Variants in ZNF562 observed in about 807,000 individuals in gnomAD.
The protein encoded by ZNF562 is zinc finger protein 562.
ZNF562 carries 13 observed loss-of-function variants against 17.5 expected under a neutral mutation model. The observed-to-expected ratio is 0.74, with a 90% CI of 0.48 to 1.18. The LOEUF is 1.18. ZNF562 is among the 50% of genes most tolerant of loss of function. The pLI, the probability that ZNF562 is intolerant of heterozygous loss-of-function variation, is 0.00. For synonymous variants in ZNF562, 163 were observed against 165.4 expected (o/e 0.99, Z 0.11); for missense variants, 481 against 498.5 (o/e 0.96, Z 0.33).
chr19:9,656,562 G>C lies in ZNF562; in HGVS notation c.333C>G (p.Phe111Leu). The C allele has an allele frequency of 6.2e-7, 1 of 1,613,602 alleles. No homozygotes were observed. Among genetic ancestry groups the C allele is most frequent in the Non-Finnish European group, 8.5e-7 (1 of 1,179,866 alleles). The change falls in exon 5 of 6, where the codon TTC (phenylalanine) becomes TTG (leucine). Residue 111 changes from phenylalanine to leucine, a missense_variant. Physicochemically the swap from Phe to Leu is conservative, Grantham distance 22. Around this residue, in one of 2 missense-constraint regions of ZNF562, gnomAD observed 403 missense variants for 386.4 expected, o/e 1.04. Coordinates refer to ENST00000453372, the MANE Select transcript of ZNF562 (RefSeq NM_001130031.2). ...TGAATCTTACCATTTGTATCCCAGT[G>C]AATATTTGATTCTTCAAAAAACCCT... ...LQQGFLKNQI[F>L]TGIQMQTRSY...
rs950191704 is a variant in ZNF562, at chr19:9,642,090, G to C, written c.*10859C>G. On this transcript the variant is annotated 3_prime_UTR_variant, in exon 6 of 6. Transcript: ENST00000453372. ...TTTACAAGGAGAGGAAAGGTGTACT[G>C]TCACAAGGGCCAATGGCAGGGTACA... The C allele has an allele frequency of 2.0e-5, 3 of 151,754 alleles. No individual in the cohort carries two copies. Among genetic ancestry groups the C allele is most frequent in the African/African-American group, 7.3e-5 (3 of 41,260 alleles). The allele number at this position is 151,754 out of a possible 1,614,324, so 9.4% of individuals were successfully genotyped here.
chr19:9,669,734 G>GCGCACACA (rs1221319747), intron 1 of ZNF562, among the ~76,000 whole-genome samples: 206 of 109,306 alleles, frequency 1.9e-3, no homozygotes, highest in Middle Eastern at 5.0e-3. Context: ...GCGCGCGCGC[G>GCGCACACA]CACACACACA....
intron 1 of ZNF562, among the ~76,000 whole-genome samples, chr19:9,666,688 A>G (rs569469626): frequency 6.6e-6 from 1 of 152,232 alleles, no homozygotes; most frequent in African/African-American, 2.4e-5. Flanking sequence ...TAAAAAATGA[A>G]AAAGAAAACA....
At chr19:9,672,358 A>G (rs2044226983) in intron 1 of ZNF562, among the ~76,000 whole-genome samples, 1 of 152,190 alleles carries the variant, frequency 6.6e-6, no homozygotes. Context: ...TAGGAGGTGC[A>G]TTACAAAGTA....
intron 4 of ZNF562, among the ~76,000 whole-genome samples, 156 bp downstream of exon 4, chr19:9,657,853 T>G (rs956097652): frequency 1.1e-4 from 17 of 151,930 alleles, no homozygotes; most frequent in Non-Finnish European, 2.4e-4. Context: ...GGCCTAGTCT[T>G]TATTCTTAGG....
chr19:9,671,175 T>A (rs2044185780), intron 1 of ZNF562, among the ~76,000 whole-genome samples: 3 of 152,116 alleles, frequency 2.0e-5, no homozygotes. Flanking sequence ...ATATTTAAGG[T>A]GACAGGTATG....
intron 1 of ZNF562, among the ~76,000 whole-genome samples, chr19:9,667,356 C>T (rs12462694): frequency 0.11 from 16,204 of 151,998 alleles, 1,235 homozygotes; most frequent in African/African-American, 0.2. Flanking sequence ...GTGTATAGAA[C>T]GAATATACCT....
At chr19:9,656,726 T>C (rs1275439301) in intron 4 of ZNF562, 73 bp from the exon 5 acceptor site, 3 of 1,514,652 alleles carry the variant, frequency 2.0e-6, no homozygotes, top group Admixed American at 1.7e-5. Context: ...AAACACAGTA[T>C]GAAAATAAAA....
chr19:9,663,188 G>A (rs533663031), intron 1 of ZNF562, among the ~76,000 whole-genome samples: 6 of 150,028 alleles, frequency 4.0e-5, no homozygotes, highest in East Asian at 2.0e-4. Flanking sequence ...GGTGGGTCAC[G>A]AGGTCAGGAG....
At chr19:9,669,731 C>T (rs1273791503) in intron 1 of ZNF562, among the ~76,000 whole-genome samples, 17 of 81,364 alleles carry the variant, frequency 2.1e-4, no homozygotes, top group South Asian at 3.4e-4. Flanking sequence ...CGCGCGCGCG[C>T]GCGCACACAC....
intron 1 of ZNF562, among the ~76,000 whole-genome samples, chr19:9,667,419 A>G (rs1202428989): frequency 6.6e-6 from 1 of 152,218 alleles, no homozygotes; most frequent in Non-Finnish European, 1.5e-5. Context: ...CATACTGAAC[A>G]GGGAAAAATT....
intron 1 of ZNF562, among the ~76,000 whole-genome samples, chr19:9,669,762 A>ACG (rs1568282182): frequency 2.0e-5 from 3 of 150,824 alleles, no homozygotes; most frequent in African/African-American, 7.3e-5. Flanking sequence ...ACACACACAC[A>ACG]CACACACACA....
rs1465242320 is a variant in ZNF562 at position 9,653,107 on chromosome 19, T to C, written c.1123A>G (p.Lys375Glu). The C allele has an allele frequency of 1.2e-6, 2 of 1,611,508 alleles. No homozygotes were observed. ...NHTGEKPYQC[K>E]ECGKAFNRSS... is the part of the protein sequence containing the mutation. ...CTATTGAAGGCTTTCCCACATTCCT[T>C]ACACTGATAGGGTTTCTCTCCAGTG... Residue 375 changes from lysine to glutamate, a missense_variant, in exon 6 of 6, where the codon AAG becomes GAG. Physicochemically the swap from Lys to Glu is moderately conservative, Grantham distance 56. Around this residue, in one of 2 missense-constraint regions of ZNF562, gnomAD observed 78 missense variants for 112.0 expected, o/e 0.70. Coordinates refer to ENST00000453372, the MANE Select transcript of ZNF562 (RefSeq NM_001130031.2).
chr19:9,659,854 G>T (rs1390654268), intron 2 of ZNF562, among the ~76,000 whole-genome samples: 6 of 137,732 alleles, frequency 4.4e-5, no homozygotes, highest in Non-Finnish European at 1.5e-5. Flanking sequence ...CATTTTGGGA[G>T]GCCAAGGTGG....
At position 9,647,881 on chromosome 19, in the gene ZNF562, CAAAG is replaced by C. The variant is rs1287843441; in HGVS notation, c.*5064_*5067del. ...AAAGAAACAAACACCAACTCAAAAA[CAAAG>C]AAACAAACCAAAAAAATGAAAATAT... On this transcript the variant is annotated 3_prime_UTR_variant, in exon 6 of 6. Coordinates refer to ENST00000453372, the MANE Select transcript of ZNF562 (RefSeq NM_001130031.2). The C allele has an allele frequency of 1.3e-5, 2 of 152,068 alleles. No individual in the cohort carries two copies. Among genetic ancestry groups the C allele is most frequent in the African/African-American group, 4.8e-5 (2 of 41,396 alleles). 9.4% of individuals were successfully genotyped at this position (152,068 alleles called of 1,614,324 possible).
In ZNF562 at chr19:9,648,088, T is replaced by C. The variant is rs2144943800; in HGVS notation, c.*4861A>G. On this transcript the variant is annotated 3_prime_UTR_variant, in exon 6 of 6. Coordinates refer to ENST00000453372, the MANE Select transcript of ZNF562 (RefSeq NM_001130031.2). Reference sequence around the variant, plus strand: ...TAAGAATTTAGAAATAGTAGGAACATGCCCCACTACAGTATATGACAGTCA... The same window carrying C: ...TAAGAATTTAGAAATAGTAGGAACACGCCCCACTACAGTATATGACAGTCA... 6.6e-6 allele frequency: 1 copy of C among 152,258 alleles called. No individual in the cohort carries two copies. The highest frequency in any genetic ancestry group is 1.9e-4 in the East Asian group (1 of 5,174). 9.4% of individuals were successfully genotyped at this position (152,258 alleles called of 1,614,324 possible). A position where few individuals can be genotyped will look rare whatever the true frequency, so the allele number is the denominator to read the frequency against.
At chr19:9,669,717 A>AGC (rs3074896) in intron 1 of ZNF562, among the ~76,000 whole-genome samples, 3,571 of 98,524 alleles carry the variant, frequency 0.036, 113 homozygotes, top group Non-Finnish European at 0.053. Flanking sequence ...CACGCGCGCG[A>AGC]GCGCGCGCGC....
chr19:9,658,463 C>T (rs146251016), intron 3 of ZNF562: 6 of 408,402 alleles, frequency 1.5e-5, no homozygotes, highest in South Asian at 2.0e-4. Flanking sequence ...GATTCTCATG[C>T]CTCAGCCTCC....
At position 9,666,323 on chromosome 19, in the gene ZNF562, CAA is replaced by C. The variant is rs112849375; in HGVS notation, c.-130-5451_-130-5450del. The stretch of plus-strand genomic sequence containing the variant: ...GGGCAACAAGAACAAACCTCCGTCT[CAA>C]AAAAAAAAAAAAAAAAATTACACAA... On this transcript the variant is annotated intron_variant, in intron 1 of 5. Coordinates refer to ENST00000453372, the MANE Select transcript of ZNF562 (RefSeq NM_001130031.2). Among the ~76,000 whole-genome samples, 34 of 79,612 alleles carry C rather than the reference CAA, an allele frequency of 4.3e-4. 1 individual carries two copies. Among genetic ancestry groups the C allele is most frequent in the African/African-American group, 7.7e-4 (19 of 24,728 alleles). The allele number at this position is 79,612 out of a possible 152,430, so 52.2% of individuals were successfully genotyped here. A position where few individuals can be genotyped will look rare whatever the true frequency, so the allele number is the denominator to read the frequency against.
Sources: gnomAD v4.1 joint callset for allele counts (sites outside exome capture counted in the v4.1 genomes callset) on GRCh38, gnomAD v4.1.1 for gene constraint, gnomAD v4.1.1 regional missense constraint, MANE v1.5 for transcripts, NCBI Gene and HGNC (gene_info 2026-07-23, HGNC 2026-07-21) for gene names.